GRM5: variants seen among roughly 807,000 people sequenced by gnomAD.
The protein encoded by GRM5 is metabotropic glutamate receptor 5.
In GRM5, 19 loss-of-function variants were observed where a neutral mutation model predicts 83.1. The ratio of observed to expected loss-of-function variants is 0.23; its 90% CI spans 0.16 to 0.34. The LOEUF (loss-of-function observed/expected upper bound fraction) is 0.34, where lower values mean the gene tolerates loss of function less well. GRM5 is among the 10% of genes least tolerant of loss of function. The pLI, the probability that GRM5 is intolerant of heterozygous loss-of-function variation, is 1.00. For synonymous variants in GRM5, 675 were observed against 633.6 expected, an observed-to-expected ratio of 1.07 and a Z score of -0.98; for missense variants, 1,160 against 1,588.3, an observed-to-expected ratio of 0.73 and a Z score of 4.58.
At chr11:88,909,435 C>T (rs1945457428) in intron 2 of GRM5, among the ~76,000 whole-genome samples, 1 of 150,084 alleles carries the variant, frequency 6.7e-6, no homozygotes, top group Middle Eastern at 3.2e-3. Context: ...CCAGACTACA[C>T]TGCCATCCCT....
At chr11:89,032,176 T>A (rs2135126310) in intron 2 of GRM5, among the ~76,000 whole-genome samples, 1 of 152,198 alleles carries the variant, frequency 6.6e-6, no homozygotes, top group African/African-American at 2.4e-5. Flanking sequence ...CATGTAATTG[T>A]TTTCTAGCAG....
At chr11:88,984,757 T>C (rs188960255) in intron 2 of GRM5, 2 of 724,310 alleles carry the variant, frequency 2.8e-6, no homozygotes, top group South Asian at 1.5e-5. Context: ...AGGTATTTAT[T>C]TGAATTACAG....
intron 4 of GRM5, among the ~76,000 whole-genome samples, chr11:88,628,429 A>G (rs969447992): frequency 4.6e-5 from 7 of 152,246 alleles, no homozygotes; most frequent in Non-Finnish European, 1.0e-4. Flanking sequence ...ATTTGTATCA[A>G]TACTTCATTG....
At chr11:88,726,050 C>T (rs1250190234) in intron 3 of GRM5, among the ~76,000 whole-genome samples, 2 of 152,118 alleles carry the variant, frequency 1.3e-5, no homozygotes, top group African/African-American at 4.8e-5. Context: ...GATGAACTGA[C>T]AGAAGTAGGC....
At chr11:88,907,954 C>A (rs1945432315) in intron 2 of GRM5, among the ~76,000 whole-genome samples, 1 of 151,994 alleles carries the variant, frequency 6.6e-6, no homozygotes, top group Non-Finnish European at 1.5e-5. Context: ...TGCGTGTAAT[C>A]CCACCATGAT....
At chr11:88,776,028 T>A (rs867822070) in intron 3 of GRM5, among the ~76,000 whole-genome samples, 17 of 151,844 alleles carry the variant, frequency 1.1e-4, no homozygotes, top group African/African-American at 2.9e-4. Flanking sequence ...CTGTCTAATA[T>A]TGACAGTGGG....
chr11:88,643,113 C>T (rs762002863), intron 4 of GRM5, among the ~76,000 whole-genome samples: 5 of 151,966 alleles, frequency 3.3e-5, no homozygotes, highest in Non-Finnish European at 7.4e-5. Flanking sequence ...TTAATTGGCT[C>T]GTGGTTCTGC....
intron 2 of GRM5, among the ~76,000 whole-genome samples, chr11:88,915,671 G>A (rs950420926): frequency 3.9e-5 from 6 of 152,066 alleles, no homozygotes; most frequent in African/African-American, 1.4e-4. Flanking sequence ...ATCTTCAACA[G>A]TTATTTGACA....
intron 2 of GRM5, among the ~76,000 whole-genome samples, chr11:89,044,437 A>G (rs574302238): frequency 6.6e-6 from 1 of 152,316 alleles, no homozygotes; most frequent in East Asian, 1.9e-4. Flanking sequence ...TTAACATCGA[A>G]GCTGAAACCC....
intron 3 of GRM5, among the ~76,000 whole-genome samples, chr11:88,769,602 C>G (rs1263619663): frequency 1.3e-5 from 2 of 151,832 alleles, no homozygotes; most frequent in Non-Finnish European, 2.9e-5. Flanking sequence ...ACAGCAACAG[C>G]AAGAACAAAA....
At chr11:88,865,587 G>C (rs1345691252) in intron 2 of GRM5, among the ~76,000 whole-genome samples, 1 of 152,054 alleles carries the variant, frequency 6.6e-6, no homozygotes, top group Non-Finnish European at 1.5e-5. Flanking sequence ...AAGACCTTCT[G>C]CACAGCAAAA....
intron 9 of GRM5, chr11:88,512,215 A>G (rs1941393132): frequency 6.5e-6 from 1 of 154,100 alleles, no homozygotes; most frequent in Non-Finnish European, 1.5e-5. Flanking sequence ...TGTACAAAGT[A>G]TTGACATCTT....
chr11:88,930,544 T>C (rs1360136285), intron 2 of GRM5, among the ~76,000 whole-genome samples: 1 of 152,088 alleles, frequency 6.6e-6, no homozygotes, highest in Non-Finnish European at 1.5e-5. Flanking sequence ...TTTTTTGAGA[T>C]GGGAGTTTCG....
intron 2 of GRM5, among the ~76,000 whole-genome samples, chr11:88,867,809 T>C (rs1399579444): frequency 6.6e-6 from 1 of 151,784 alleles, no homozygotes; most frequent in African/African-American, 2.4e-5. Context: ...GTTCTTGGAC[T>C]TCCAGCCTCT....
At chr11:88,939,617 A>T (rs1400110093) in intron 2 of GRM5, among the ~76,000 whole-genome samples, 3 of 151,840 alleles carry the variant, frequency 2.0e-5, no homozygotes, top group Non-Finnish European at 4.4e-5. Flanking sequence ...CATTTTAAAA[A>T]CAGATAAGCG....
intron 3 of GRM5, among the ~76,000 whole-genome samples, chr11:88,830,204 C>G (rs1218808759): frequency 6.6e-6 from 1 of 151,820 alleles, no homozygotes; most frequent in Non-Finnish European, 1.5e-5. Flanking sequence ...TGCAAAGCAT[C>G]AAAGAGGAAA....
chr11:88,831,353 T>A (rs1943990367), intron 3 of GRM5, among the ~76,000 whole-genome samples: 1 of 152,172 alleles, frequency 6.6e-6, no homozygotes, highest in Non-Finnish European at 1.5e-5. Context: ...TAGCCACCAC[T>A]TGGGGCTAAA....
At chr11:88,797,019 T>C (rs1408557745) in intron 3 of GRM5, among the ~76,000 whole-genome samples, 1 of 151,904 alleles carries the variant, frequency 6.6e-6, no homozygotes, top group African/African-American at 2.4e-5. Context: ...CAGGAAATGT[T>C]TGCTGTTGAA....
intron 3 of GRM5, among the ~76,000 whole-genome samples, chr11:88,796,562 T>TA (rs1330616766): frequency 1.3e-5 from 2 of 152,128 alleles, no homozygotes; most frequent in African/African-American, 2.4e-5. Flanking sequence ...AGATTTATGA[T>TA]AAAAAAGCCA....
Sources: allele counts gnomAD v4.1 joint callset (sites outside exome capture counted in the v4.1 genomes callset), GRCh38; gene constraint gnomAD v4.1.1; transcripts MANE v1.5; gene names NCBI Gene and HGNC (gene_info 2026-07-23, HGNC 2026-07-21).